ST6GALNAC4: variants seen among roughly 807,000 people sequenced by gnomAD.
ST6GALNAC4 encodes the protein ST6 N-acetylgalactosaminide alpha-2,6-sialyltransferase 4, also known as alpha-N-acetyl-neuraminyl-2,3-beta-galactosyl-1,3-N-acetyl-galactosaminide alpha-2,6-sialyltransferase.
A neutral mutation model predicts 30.4 loss-of-function variants in ST6GALNAC4; 24 were observed. That is an observed-to-expected ratio of 0.79 (90% CI 0.57 to 1.11). The LOEUF is 1.11. Ranked by LOEUF, ST6GALNAC4 falls within the 50% of genes most tolerant of loss-of-function variation. ST6GALNAC4 has a pLI of 0.00. For missense variants in ST6GALNAC4, 365 were observed against 430.1 expected (o/e 0.85, Z 1.34); for synonymous variants, 156 against 179.7 (o/e 0.87, Z 1.05).
At chr9:127,915,651 T>G (rs1831179430) in intron 2 of ST6GALNAC4, among the ~76,000 whole-genome samples, 1 of 152,164 alleles carries the variant, frequency 6.6e-6, no homozygotes, top group Non-Finnish European at 1.5e-5. Context: ...TGAATGCCCC[T>G]ACCACCACCA....
In ST6GALNAC4 at chr9:127,912,305, A is replaced by C; in HGVS notation, c.574T>G (p.Cys192Gly). Residue 192 changes from cysteine to glycine, a missense_variant, in exon 4 of 6, where the codon TGC becomes GGC. Coordinates refer to ENST00000335791, the MANE Select transcript of ST6GALNAC4 (RefSeq NM_175039.4). ...YTFTERMMAY[C>G]DQIFQDETGK... ...GTCTCGTCCTGGAAGATCTGGTCGC[A>C]GTAGGCCATCATGCGCTCCGTGAAG... 1.9e-6 allele frequency: 3 copies of C among 1,613,630 alleles called. No homozygotes were observed. Among genetic ancestry groups the C allele is most frequent in the Non-Finnish European group, 2.5e-6 (3 of 1,179,844 alleles).
At chr9:127,914,127 G>A (rs1831138913) in intron 3 of ST6GALNAC4, among the ~76,000 whole-genome samples, 1 of 151,744 alleles carries the variant, frequency 6.6e-6, no homozygotes, top group African/African-American at 2.4e-5. Flanking sequence ...GGGCGTGGTG[G>A]CTCATGCCTG....
intron 3 of ST6GALNAC4, 55 bp from the exon 4 acceptor site, chr9:127,912,735 C>A: frequency 1.4e-6 from 2 of 1,469,780 alleles, no homozygotes; most frequent in South Asian, 1.4e-5. Flanking sequence ...CAGCTTACAC[C>A]CCCTGCAGCT....
rs570775142 is a variant in ST6GALNAC4 at position 127,908,350 on chromosome 9, G to A, written c.*42C>T. The A allele has an allele frequency of 4.4e-5, 66 of 1,492,744 alleles. No homozygotes were observed. The Admixed American group carries it at 9.6e-4, about 22-fold the overall frequency. The allele number at this position is 1,492,744 out of a possible 1,614,324, so 92.5% of individuals were successfully genotyped here. On this transcript the variant is annotated 3_prime_UTR_variant, in exon 6 of 6. Transcript: ENST00000335791. ...GTGATGGCTTGGGATGGGACATCCC[G>A]GAGGCCTCGCAACGGCATGGCGACT...
At chr9:127,909,827 A>G (rs7026378) in intron 5 of ST6GALNAC4, 124 bp downstream of exon 5, 912,900 of 939,116 alleles carry the variant, frequency 0.97, 445,393 homozygotes, top group Non-Finnish European at 1. Context: ...TATCTGTGCT[A>G]TGGTCACCCA....
intron 5 of ST6GALNAC4, among the ~76,000 whole-genome samples, chr9:127,909,116 G>A (rs537567705): frequency 6.6e-6 from 1 of 152,152 alleles, no homozygotes; most frequent in Non-Finnish European, 1.5e-5. Context: ...AGGCTGGTGC[G>A]GTGCTCACAC....
At chr9:127,908,837 C>T (rs557566179) in intron 5 of ST6GALNAC4, among the ~76,000 whole-genome samples, 9 of 152,278 alleles carry the variant, frequency 5.9e-5, no homozygotes, top group South Asian at 2.1e-4. Flanking sequence ...GTGTGTAAAA[C>T]GCAGATGGTC....
At chr9:127,913,881 G>A (rs1331188890) in intron 3 of ST6GALNAC4, among the ~76,000 whole-genome samples, 2 of 152,192 alleles carry the variant, frequency 1.3e-5, no homozygotes, top group African/African-American at 2.4e-5. Flanking sequence ...TCACCAGGAT[G>A]TACCCCGGCC....
In ST6GALNAC4 at chr9:127,908,191, C is replaced by A. The variant is rs1409661253; in HGVS notation, c.*201G>T. Reference sequence around the variant, plus strand: ...GGAGTGGAGGGGGGAGACACGGCTCCCCCCTCCACTCCCCTTCAAGTCATG... The same window carrying A: ...GGAGTGGAGGGGGGAGACACGGCTCACCCCTCCACTCCCCTTCAAGTCATG... On this transcript the variant is annotated 3_prime_UTR_variant, in exon 6 of 6. Transcript: ENST00000335791. 4.0e-6 allele frequency: 1 copy of A among 249,438 alleles called. No individual in the cohort carries two copies. Among genetic ancestry groups the A allele is most frequent in the Non-Finnish European group, 7.5e-6 (1 of 133,160 alleles). 15.5% of individuals were successfully genotyped at this position (249,438 alleles called of 1,614,324 possible).
In ST6GALNAC4 at chr9:127,908,302, T is replaced by C; in HGVS notation, c.*90A>G. 1 of 1,304,278 alleles carries C rather than the reference T, an allele frequency of 7.7e-7. No individual in the cohort carries two copies. Among genetic ancestry groups the C allele is most frequent in the Non-Finnish European group, 1.0e-6 (1 of 971,826 alleles). The allele number at this position is 1,304,278 out of a possible 1,614,324, so 80.8% of individuals were successfully genotyped here. A position where few individuals can be genotyped will look rare whatever the true frequency, so the allele number is the denominator to read the frequency against. ...AGCACGTGGCAGGAGGCAGGATCCA[T>C]AAATTAAATGTTTTTGTGGAGTGTG... On this transcript the variant is annotated 3_prime_UTR_variant, in exon 6 of 6. Coordinates refer to ENST00000335791, the MANE Select transcript of ST6GALNAC4 (RefSeq NM_175039.4).
rs1831092679 is a variant in ST6GALNAC4 at position 127,912,373 on chromosome 9, A to G, written c.506T>C (p.Leu169Pro). ...RVLGGRTYRT[L>P]LQLTRMYPGL... ...GGGGTACATCCTGGTGAGCTGCAGC[A>G]GCGTGCGGTAGGTGCGGCCGCCGAG... is the stretch of plus-strand genomic sequence containing the variant. Residue 169 changes from leucine to proline, a missense_variant, in exon 4 of 6, where the codon CTG becomes CCG. Leu to Pro is a moderately conservative substitution (Grantham distance 98). Transcript: ENST00000335791. The G allele has an allele frequency of 6.2e-7, 1 of 1,614,026 alleles. No homozygotes were observed. The highest frequency in any genetic ancestry group is 8.5e-7 in the Non-Finnish European group (1 of 1,180,036).
rs1479886639 is a variant in ST6GALNAC4, at chr9:127,912,417, G to A, written c.462C>T (p.Gly154=). 1.2e-6 allele frequency: 2 copies of A among 1,614,166 alleles called. No individual in the cohort carries two copies. Among genetic ancestry groups the A allele is most frequent in the South Asian group, 2.2e-5 (2 of 91,080 alleles). ...CGCCGAGCACCCGGTCCATGTGCCT[G>A]CCCTGGCCCCACACCATGTAGAGCG... ...RDTLYMVWGQ[G]RHMDRVLGGR... Residue 154 remains glycine (G), a synonymous_variant, in exon 4 of 6, where the codon GGC becomes GGT. Transcript: ENST00000335791.
At chr9:127,915,348 G>A (rs1831173582) in intron 2 of ST6GALNAC4, among the ~76,000 whole-genome samples, 1 of 152,038 alleles carries the variant, frequency 6.6e-6, no homozygotes, top group South Asian at 2.1e-4. Flanking sequence ...GCCTCAGAAG[G>A]GCCACCAGCC....
At chr9:127,916,272 G>T in intron 2 of ST6GALNAC4, 136 bp downstream of exon 2, 1 of 1,203,838 alleles carries the variant, frequency 8.3e-7, no homozygotes, top group Non-Finnish European at 1.2e-6. Flanking sequence ...GTTGGACTTT[G>T]AGGCCATTCT....
In ST6GALNAC4 at chr9:127,909,934, G is replaced by A. The variant is rs368955662; in HGVS notation, c.719+17C>T. ...GTCCTCCCCGCGTCCCCGCGTGCCC[G>A]GCCTGGCCGGTCTGACCTGCAGTAG... On this transcript the variant is annotated intron_variant, in intron 5 of 5. Transcript: ENST00000335791. 1.1e-5 allele frequency: 18 copies of A among 1,611,984 alleles called. No homozygotes were observed. Among genetic ancestry groups the A allele is most frequent in the African/African-American group, 4.0e-5 (3 of 75,034 alleles).
At chr9:127,915,234 A>G (rs1831170864) in intron 2 of ST6GALNAC4, among the ~76,000 whole-genome samples, 1 of 152,160 alleles carries the variant, frequency 6.6e-6, no homozygotes, top group African/African-American at 2.4e-5. Context: ...CCTCCTCTAC[A>G]AACTGGGGAC....
In ST6GALNAC4 at chr9:127,915,258, C is replaced by T. The variant is rs547308814; in HGVS notation, c.13-417G>A. ...CAAACTGGGGACTGATAATGCCCAC[C>T]GTGTGAACTTACGGGAGGGGGGCAG... On this transcript the variant is annotated intron_variant, in intron 2 of 5. Transcript: ENST00000335791. Among the ~76,000 whole-genome samples the T allele has an allele frequency of 2.6e-5, 4 of 152,264 alleles. No homozygotes were observed. The East Asian group carries it at 7.7e-4, about 29-fold the overall frequency.
rs758658978 is a variant in ST6GALNAC4, at chr9:127,910,012, G to C, written c.658C>G (p.Leu220Val). 1 of 1,613,460 alleles carries C rather than the reference G, an allele frequency of 6.2e-7. No individual in the cohort carries two copies. The highest frequency in any genetic ancestry group is 8.5e-7 in the Non-Finnish European group (1 of 1,179,976). ...ATCTCCTCACACAGCTCCAGCGCGA[G>C]GATCATGGTGAACCAGCCGGTGCTG... ...FLSTGWFTMI[L>V]ALELCEEIVV... The change falls in exon 5 of 6, where the codon CTC (leucine) becomes GTC (valine). Residue 220 changes from leucine (L) to valine (V), a missense_variant. Leu to Val is a conservative substitution (Grantham distance 32). Transcript: ENST00000335791.
At chr9:127,912,051 C>T (rs1831083854) in intron 4 of ST6GALNAC4, among the ~76,000 whole-genome samples, 1 of 152,260 alleles carries the variant, frequency 6.6e-6, no homozygotes, top group Admixed American at 6.5e-5. Flanking sequence ...AAAGGCCTGA[C>T]AGCCCTCAAC....
Sources: allele counts gnomAD v4.1 joint callset (sites outside exome capture counted in the v4.1 genomes callset), GRCh38; gene constraint gnomAD v4.1.1; transcripts MANE v1.5; gene names NCBI Gene and HGNC (gene_info 2026-07-23, HGNC 2026-07-21).